ATXN7L1: variants seen among roughly 807,000 people sequenced by gnomAD.
The protein encoded by ATXN7L1 is ataxin 7 like 1.
A neutral mutation model predicts 70.8 loss-of-function variants in ATXN7L1; 15 were observed. The observed-to-expected ratio is 0.21, with a 90% confidence interval of 0.14 to 0.33. The LOEUF is 0.33. Among genes scored for constraint, ATXN7L1 ranks in the 10% least tolerant of loss-of-function variants. The pLI is 1.00. For synonymous variants in ATXN7L1, 440 were observed against 445.1 expected, an observed-to-expected ratio of 0.99 and a Z score of 0.14; for missense variants, 975 against 1,097.1, an observed-to-expected ratio of 0.89 and a Z score of 1.57.
chr7:105,685,044 G>GGTA (rs1805990258), intron 3 of ATXN7L1, among the ~76,000 whole-genome samples: 1 of 142,690 alleles, frequency 7.0e-6, no homozygotes, highest in Non-Finnish European at 1.5e-5. Flanking sequence ...GAGAAGAGAT[G>GGTA]ATAATAATAA....
intron 5 of ATXN7L1, among the ~76,000 whole-genome samples, chr7:105,642,022 C>A (rs1798330348): frequency 9.2e-5 from 14 of 152,310 alleles, no homozygotes. Flanking sequence ...CTTTCTCTGG[C>A]CACCATCAGG....
At chr7:105,703,792 A>G (rs540339642) in intron 3 of ATXN7L1, among the ~76,000 whole-genome samples, 2 of 152,298 alleles carry the variant, frequency 1.3e-5, no homozygotes, top group South Asian at 4.2e-4. Context: ...CCCTCTCTAG[A>G]GGATTCTTGT....
At chr7:105,812,846 CA>C (rs1306703365) in intron 2 of ATXN7L1, among the ~76,000 whole-genome samples, 1 of 152,094 alleles carries the variant, frequency 6.6e-6, no homozygotes, top group African/African-American at 2.4e-5. Context: ...AGAAAAAACA[CA>C]AAAATTTATC....
intron 2 of ATXN7L1, among the ~76,000 whole-genome samples, chr7:105,813,020 A>G (rs1426979896): frequency 6.6e-6 from 1 of 152,020 alleles, no homozygotes; most frequent in Non-Finnish European, 1.5e-5. Context: ...GACAAAACCA[A>G]ACCAAACCAA....
At chr7:105,657,271 T>C (rs898090464) in intron 4 of ATXN7L1, among the ~76,000 whole-genome samples, 1 of 152,108 alleles carries the variant, frequency 6.6e-6, no homozygotes, top group East Asian at 1.9e-4. Flanking sequence ...CAACTCCTGA[T>C]GGGAGCGTAA....
At chr7:105,697,396 G>A (rs1380379415) in intron 3 of ATXN7L1, among the ~76,000 whole-genome samples, 3 of 152,044 alleles carry the variant, frequency 2.0e-5, no homozygotes, top group East Asian at 1.9e-4. Flanking sequence ...AGAATTCAGC[G>A]ATATTTCTCC....
chr7:105,785,073 C>T (rs978066061), intron 3 of ATXN7L1, among the ~76,000 whole-genome samples: 3 of 152,186 alleles, frequency 2.0e-5, no homozygotes, highest in South Asian at 2.1e-4. Flanking sequence ...AATCAGACCT[C>T]GGGCAAAGCA....
intron 7 of ATXN7L1, 47 bp downstream of exon 7, chr7:105,638,306 T>A: frequency 6.6e-7 from 1 of 1,519,558 alleles, no homozygotes; most frequent in Non-Finnish European, 8.9e-7. Flanking sequence ...AGCAAGCTAG[T>A]CACTTGACCA....
At chr7:105,721,597 G>GGACA (rs1345927418) in intron 3 of ATXN7L1, among the ~76,000 whole-genome samples, 2 of 152,238 alleles carry the variant, frequency 1.3e-5, no homozygotes, top group East Asian at 1.9e-4. Context: ...GGGGACAAGG[G>GGACA]GACAGTACGA....
At chr7:105,772,473 A>G (rs1190679354) in intron 3 of ATXN7L1, among the ~76,000 whole-genome samples, 2 of 152,236 alleles carry the variant, frequency 1.3e-5, no homozygotes, top group African/African-American at 4.8e-5. Flanking sequence ...TTGGAAAGAA[A>G]TAAATGAGGC....
chr7:105,666,063 C>T (rs891924890), intron 3 of ATXN7L1, among the ~76,000 whole-genome samples: 2 of 152,194 alleles, frequency 1.3e-5, no homozygotes, highest in African/African-American at 4.8e-5. Flanking sequence ...GATGAGGATA[C>T]TGACCAGGAG....
intron 3 of ATXN7L1, among the ~76,000 whole-genome samples, chr7:105,773,161 T>C (rs1802246620): frequency 6.6e-6 from 1 of 152,196 alleles, no homozygotes; most frequent in Admixed American, 6.5e-5. Context: ...GACTAGTTAA[T>C]TTACATGACA....
intron 4 of ATXN7L1, among the ~76,000 whole-genome samples, chr7:105,655,947 G>A (rs1386737012): frequency 6.6e-6 from 1 of 152,232 alleles, no homozygotes; most frequent in Non-Finnish European, 1.5e-5. Flanking sequence ...TTTCCTCCTG[G>A]AGCAGCGGGC....
At chr7:105,862,952 T>C (rs1458407382) in intron 2 of ATXN7L1, among the ~76,000 whole-genome samples, 1 of 152,170 alleles carries the variant, frequency 6.6e-6, no homozygotes, top group Non-Finnish European at 1.5e-5. Flanking sequence ...GGCATCTCTG[T>C]GGCTGAAGAA....
chr7:105,642,856 G>C lies in ATXN7L1; in HGVS notation c.844C>G (p.Pro282Ala), dbSNP rs1798469261. ...HQNGTKNSNK[P>A]YRRLSEREFD... Reference sequence around the variant, plus strand: ...CACATACCTGAAAGTCTCCTGTAAGGCTTGTTGCTGTTTTTGGTGCCATTT... The same window carrying C: ...CACATACCTGAAAGTCTCCTGTAAGCCTTGTTGCTGTTTTTGGTGCCATTT... Residue 282 changes from proline to alanine, a missense_variant, in exon 5 of 12, where the codon CCT becomes GCT. Physicochemically the swap from Pro to Ala is conservative, Grantham distance 27. This residue lies in a region of ATXN7L1 where 192 missense variants were observed against 215.5 expected (regional missense o/e 0.89). Transcript: ENST00000419735. 3.2e-6 allele frequency: 5 copies of C among 1,551,588 alleles called. No homozygotes were observed. In the South Asian group the frequency reaches 3.6e-5, roughly 11 times the overall value.
At chr7:105,775,678 G>A (rs756466766) in intron 3 of ATXN7L1, among the ~76,000 whole-genome samples, 1 of 152,272 alleles carries the variant, frequency 6.6e-6, no homozygotes, top group Non-Finnish European at 1.5e-5. Flanking sequence ...CCCTTCCCAT[G>A]GCCAGTTTCT....
At chr7:105,827,459 A>C (rs1356865248) in intron 2 of ATXN7L1, among the ~76,000 whole-genome samples, 2 of 152,246 alleles carry the variant, frequency 1.3e-5, no homozygotes. Context: ...AGCTTTATGC[A>C]AAATATAGTT....
intron 2 of ATXN7L1, among the ~76,000 whole-genome samples, chr7:105,818,929 A>G (rs1423436347): frequency 6.6e-6 from 1 of 151,234 alleles, no homozygotes; most frequent in Non-Finnish European, 1.5e-5. Flanking sequence ...GTACATGTGC[A>G]CAATGTACAG....
At position 105,606,207 on chromosome 7, in the gene ATXN7L1, C is replaced by T. The variant is rs893512953; in HGVS notation, c.*1645G>A. ...ATGTCCTGGTACTTAATATCAACTC[C>T]TGATTTTTAAACAAATCATTTTATA... On this transcript the variant is annotated 3_prime_UTR_variant, in exon 12 of 12. Transcript: ENST00000419735. 5.3e-5 allele frequency: 8 copies of T among 152,174 alleles called. No individual in the cohort carries two copies. In the South Asian group the frequency reaches 1.7e-3, roughly 32 times the overall value. The allele number at this position is 152,174 out of a possible 1,614,324, so 9.4% of individuals were successfully genotyped here.
Sources: allele counts gnomAD v4.1 joint callset (sites outside exome capture counted in the v4.1 genomes callset), GRCh38; gene constraint gnomAD v4.1.1; regional missense constraint gnomAD v4.1.1; transcripts MANE v1.5; gene names NCBI Gene and HGNC (gene_info 2026-07-23, HGNC 2026-07-21).